PLCG2: variants seen among roughly 807,000 people sequenced by gnomAD.
The protein encoded by PLCG2 is 1-phosphatidylinositol 4,5-bisphosphate phosphodiesterase gamma-2.
Under a neutral mutation model 175.6 loss-of-function variants are expected in PLCG2, and 69 were observed. That is an observed-to-expected ratio of 0.39 (90% CI 0.32 to 0.48). PLCG2 has a LOEUF of 0.48. Ranked by LOEUF, PLCG2 falls within the 20% of genes least tolerant of loss-of-function variation. The pLI, the probability that PLCG2 is intolerant of heterozygous loss-of-function variation, is 0.91. For synonymous variants in PLCG2, 827 were observed against 624.0 expected (o/e 1.33, Z -4.85); for missense variants, 1,798 against 1,650.9 (o/e 1.09, Z -1.54).
chr16:81,848,689 C>G (rs1383896531), intron 2 of PLCG2, among the ~76,000 whole-genome samples: 1 of 152,190 alleles, frequency 6.6e-6, no homozygotes, highest in Non-Finnish European at 1.5e-5. Context: ...TCCCTTTCCT[C>G]TTTCCAAGAA....
At chr16:81,910,020 T>G (rs12927160) in intron 17 of PLCG2, among the ~76,000 whole-genome samples, 56,169 of 111,142 alleles carry the variant, frequency 0.51, 12,756 homozygotes, top group East Asian at 0.82. Flanking sequence ...TGGGGTGGGG[T>G]GGGGGAAGTA....
At chr16:81,823,375 C>G (rs1026376955) in intron 2 of PLCG2, among the ~76,000 whole-genome samples, 1 of 152,210 alleles carries the variant, frequency 6.6e-6, no homozygotes, top group Admixed American at 6.5e-5. Flanking sequence ...TCCTGTCTGG[C>G]CAGTCCCTGA....
intron 23 of PLCG2, among the ~76,000 whole-genome samples, chr16:81,928,034 CTAAG>C (rs5818361): frequency 0.67 from 101,894 of 151,270 alleles, 35,127 homozygotes; most frequent in East Asian, 0.81. Context: ...GCCACCTCTC[CTAAG>C]CCCAGGATAT....
intron 2 of PLCG2, among the ~76,000 whole-genome samples, chr16:81,847,764 A>G (rs1222724816): frequency 1.3e-5 from 2 of 152,210 alleles, no homozygotes; most frequent in Non-Finnish European, 2.9e-5. Context: ...TAACATTTAC[A>G]TTGTATTAGG....
chr16:81,802,575 T>G (rs1250225289), intron 2 of PLCG2, among the ~76,000 whole-genome samples: 3 of 152,110 alleles, frequency 2.0e-5, no homozygotes, highest in African/African-American at 7.2e-5. Flanking sequence ...TCTTTTTTTG[T>G]TTTTGTTTTG....
chr16:81,818,466 G>A (rs1468559741), intron 2 of PLCG2, among the ~76,000 whole-genome samples: 2 of 152,166 alleles, frequency 1.3e-5, no homozygotes, highest in African/African-American at 4.8e-5. Flanking sequence ...GTAGACCATA[G>A]ATGCTGTCTG....
chr16:81,857,543 C>G (rs1326249889), intron 3 of PLCG2, among the ~76,000 whole-genome samples: 1 of 152,120 alleles, frequency 6.6e-6, no homozygotes, highest in Non-Finnish European at 1.5e-5. Flanking sequence ...CTGGTGAGGG[C>G]TCTCTTCCTG....
At chr16:81,812,590 G>A (rs1375182618) in intron 2 of PLCG2, among the ~76,000 whole-genome samples, 2 of 152,142 alleles carry the variant, frequency 1.3e-5, no homozygotes, top group African/African-American at 4.8e-5. Flanking sequence ...TTAGCCATTT[G>A]TCAGATGGAT....
intron 2 of PLCG2, among the ~76,000 whole-genome samples, chr16:81,768,364 A>G (rs554529088): frequency 5.3e-5 from 8 of 152,220 alleles, no homozygotes; most frequent in Non-Finnish European, 1.0e-4. Context: ...TACTGTAAAC[A>G]TTAGTGTTTT....
intron 1 of PLCG2, among the ~76,000 whole-genome samples, chr16:81,752,965 GACCA>G (rs1909842396): frequency 6.6e-6 from 1 of 152,236 alleles, no homozygotes; most frequent in Non-Finnish European, 1.5e-5. Context: ...GTGTAGTGGA[GACCA>G]ACCACGGTAC....
chr16:81,935,570 C>A, intron 26 of PLCG2: 1 of 985,370 alleles, frequency 1.0e-6, no homozygotes, highest in Non-Finnish European at 1.2e-6. Flanking sequence ...CTAGACCCCT[C>A]AGTTAACTTA....
chr16:81,763,319 C>A (rs936724378), intron 2 of PLCG2, among the ~76,000 whole-genome samples: 1 of 152,180 alleles, frequency 6.6e-6, no homozygotes, highest in Non-Finnish European at 1.5e-5. Context: ...AATGCAGTGG[C>A]CTAAAGCAAC....
intron 2 of PLCG2, among the ~76,000 whole-genome samples, chr16:81,813,319 C>T (rs575107882): frequency 6.6e-6 from 1 of 152,092 alleles, no homozygotes; most frequent in South Asian, 2.1e-4. Flanking sequence ...AATCTTTTTT[C>T]ATTTATTTGT....
intron 2 of PLCG2, among the ~76,000 whole-genome samples, chr16:81,833,570 C>G (rs1285176235): frequency 6.7e-6 from 1 of 149,618 alleles, no homozygotes; most frequent in Non-Finnish European, 1.5e-5. Flanking sequence ...CACTCTGTCA[C>G]CCAGGCTGGA....
At chr16:81,856,504 T>C (rs1328460693) in intron 3 of PLCG2, among the ~76,000 whole-genome samples, 1 of 152,206 alleles carries the variant, frequency 6.6e-6, no homozygotes, top group African/African-American at 2.4e-5. Flanking sequence ...TCCTGGGTAT[T>C]AGCAAGCTCT....
chr16:81,878,534 C>T (rs191370516), intron 7 of PLCG2, among the ~76,000 whole-genome samples: 173 of 152,290 alleles, frequency 1.1e-3, no homozygotes, highest in African/African-American at 3.9e-3. Flanking sequence ...AACTACAGCC[C>T]CATTTATCTG....
At chr16:81,809,952 A>G (rs1904303273) in intron 2 of PLCG2, among the ~76,000 whole-genome samples, 1 of 151,532 alleles carries the variant, frequency 6.6e-6, no homozygotes, top group South Asian at 2.1e-4. Context: ...TGCTCTCTTC[A>G]TCTTTCTGCC....
intron 2 of PLCG2, among the ~76,000 whole-genome samples, chr16:81,789,785 C>G (rs1408222429): frequency 6.6e-6 from 1 of 152,016 alleles, no homozygotes; most frequent in Admixed American, 6.6e-5. Context: ...CCTTCCCCCT[C>G]CTCTCCCTCC....
rs569416375 is a variant in PLCG2 at position 81,833,454 on chromosome 16, G to C, written c.194-20990G>C. Among the ~76,000 whole-genome samples the C allele has an allele frequency of 1.3e-4, 20 of 151,932 alleles. No homozygotes were observed. The East Asian group carries it at 2.5e-3, about 19-fold the overall frequency. On this transcript the variant is annotated intron_variant, in intron 2 of 32. Coordinates refer to ENST00000564138, the MANE Select transcript of PLCG2 (RefSeq NM_002661.5). ...AGGAGGAGGCACCTGGAAGCCCCTG[G>C]CCTCTCCTGTTAATCACTGACAAGG... is the stretch of plus-strand genomic sequence containing the variant.
Sources: allele counts gnomAD v4.1 joint callset (sites outside exome capture counted in the v4.1 genomes callset), GRCh38; gene constraint gnomAD v4.1.1; transcripts MANE v1.5; gene names NCBI Gene and HGNC (gene_info 2026-07-23, HGNC 2026-07-21).